ROCK2: variants seen among roughly 807,000 people sequenced by gnomAD.
ROCK2 encodes the protein Rho associated coiled-coil containing protein kinase 2, also known as rho-associated protein kinase 2.
Under a neutral mutation model 195.1 loss-of-function variants are expected in ROCK2, and 61 were observed. That is an observed-to-expected ratio of 0.31 (90% CI 0.25 to 0.39). ROCK2 has a LOEUF of 0.39. ROCK2 is among the 10% of genes least tolerant of loss of function. The probability of loss-of-function intolerance (pLI) is 1.00; values close to 1 mark genes in which losing one functional copy is unlikely to be tolerated. For missense variants in ROCK2, 1,109 were observed against 1,637.4 expected (o/e 0.68, Z 5.57); for synonymous variants, 504 against 545.5 (o/e 0.92, Z 1.06).
intron 3 of ROCK2, among the ~76,000 whole-genome samples, chr2:11,267,894 G>A (rs961545081): frequency 2.0e-5 from 3 of 151,770 alleles, no homozygotes; most frequent in Admixed American, 6.6e-5. Context: ...AGATCTGCCC[G>A]CCTCAGCCTC....
chr2:11,232,562 T>C (rs1673592711), intron 5 of ROCK2, among the ~76,000 whole-genome samples: 1 of 152,262 alleles, frequency 6.6e-6, no homozygotes, highest in South Asian at 2.1e-4. Context: ...TCCAATGTAC[T>C]ATAGTTTTTA....
In ROCK2 at chr2:11,192,349, A is replaced by G. The variant is rs764703058; in HGVS notation, c.3962T>C (p.Ile1321Thr). ...TAATAACAGATTCTTTGCCGTTGAAATATCATAATATACTATAAAGAAAAA... is the reference window on the plus strand; with the variant it reads ...TAATAACAGATTCTTTGCCGTTGAAGTATCATAATATACTATAAAGAAAAA... Reference protein sequence around the residue: ...IIAPCKVYYDISTAKNLLLLA... With the variant: ...IIAPCKVYYDTSTAKNLLLLA... Residue 1321 changes from isoleucine (I) to threonine (T), a missense_variant, in exon 32 of 33, where the codon ATT becomes ACT. Ile to Thr is a moderately conservative substitution (Grantham distance 89). Transcript: ENST00000315872. This position sits in a 1 kb window ranked among gnomAD's most constrained non-coding sequence, Gnocchi z 5.0. 6.2e-7 allele frequency: 1 copy of G among 1,610,302 alleles called. No homozygotes were observed. The highest frequency in any genetic ancestry group is 8.5e-7 in the Non-Finnish European group (1 of 1,177,740).
chr2:11,216,550 G>T (rs1244143890), intron 12 of ROCK2, among the ~76,000 whole-genome samples: 2 of 141,696 alleles, frequency 1.4e-5, no homozygotes, highest in South Asian at 4.5e-4. Flanking sequence ...TCGCTCTGTC[G>T]CCCAGGCTGG....
At chr2:11,275,060 C>T (rs1414167447) in intron 3 of ROCK2, among the ~76,000 whole-genome samples, 4 of 152,122 alleles carry the variant, frequency 2.6e-5, no homozygotes, top group Non-Finnish European at 5.9e-5. Flanking sequence ...AGGTCGAGAC[C>T]AGCCTGGCCA....
rs983063722 is a variant in ROCK2 at position 11,179,843 on chromosome 2, G to A, written c.*3594C>T. On this transcript the variant is annotated 3_prime_UTR_variant, in exon 33 of 33. Coordinates refer to ENST00000315872, the MANE Select transcript of ROCK2 (RefSeq NM_004850.5). ...AATACAATTACATTACTACGAAGAT[G>A]CAACAAAATTTTAAAAAAGAAAAAG... 6.6e-6 allele frequency: 1 copy of A among 151,992 alleles called. No individual in the cohort carries two copies. The highest frequency in any genetic ancestry group is 6.6e-5 in the Admixed American group (1 of 15,252). 9.4% of individuals were successfully genotyped at this position (151,992 alleles called of 1,614,324 possible). A position where few individuals can be genotyped will look rare whatever the true frequency, so the allele number is the denominator to read the frequency against.
At chr2:11,287,029 A>C (rs967763725) in intron 2 of ROCK2, among the ~76,000 whole-genome samples, 18 of 152,316 alleles carry the variant, frequency 1.2e-4, no homozygotes, top group African/African-American at 4.3e-4. Context: ...TTGATGGCCT[A>C]CTTCTCTGAA....
chr2:11,192,294 C>T lies in ROCK2; in HGVS notation c.4017G>A (p.Lys1339=). Reference sequence around the variant, plus strand: ...TCTTTTTCACCAACCGACTAACCCACTTCTGCTGCTCTTCTGTAGAATTTG... The same window carrying T: ...TCTTTTTCACCAACCGACTAACCCATTTCTGCTGCTCTTCTGTAGAATTTG... ...LLANSTEEQQ[K]WVSRLVKKIP... is the part of the protein sequence containing the mutation. Residue 1339 remains lysine, a synonymous_variant, in exon 32 of 33, where the codon AAG becomes AAA. Transcript: ENST00000315872. The surrounding 1 kb of genome is among the most constrained non-coding windows in gnomAD (Gnocchi z 5.0). The T allele has an allele frequency of 1.2e-6, 2 of 1,613,992 alleles. No homozygotes were observed. Among genetic ancestry groups the T allele is most frequent in the East Asian group, 2.2e-5 (1 of 44,872 alleles).
At chr2:11,286,675 TC>T in intron 2 of ROCK2, 36 bp from the exon 3 acceptor site, 1 of 1,099,636 alleles carries the variant, frequency 9.1e-7, no homozygotes, top group Non-Finnish European at 1.3e-6. Flanking sequence ...ATAATATCAA[TC>T]ATATTTATAT....
intron 1 of ROCK2, among the ~76,000 whole-genome samples, chr2:11,289,073 AAGAGT>A: frequency 6.6e-6 from 1 of 152,356 alleles, no homozygotes; most frequent in South Asian, 2.1e-4. Flanking sequence ...CAAAGGTGTT[AAGAGT>A]AAACTATTAA....
At chr2:11,342,003 C>T (rs924533701) in intron 1 of ROCK2, among the ~76,000 whole-genome samples, 5 of 151,980 alleles carry the variant, frequency 3.3e-5, no homozygotes, top group Non-Finnish European at 1.5e-5. Context: ...ATTCTGTATA[C>T]GCTACCACAA....
intron 1 of ROCK2, chr2:11,308,459 T>C: frequency 6.2e-7 from 1 of 1,606,302 alleles, no homozygotes; most frequent in Non-Finnish European, 8.5e-7. Flanking sequence ...GTCTCCTGAT[T>C]CTTTTCCTGC....
intron 1 of ROCK2, among the ~76,000 whole-genome samples, chr2:11,288,630 G>C (rs533728738): frequency 1.3e-5 from 2 of 152,058 alleles, no homozygotes; most frequent in Non-Finnish European, 2.9e-5. Context: ...TCAATGATCA[G>C]ACTGACACCC....
chr2:11,286,457 T>C (rs986445604), intron 3 of ROCK2, 82 bp downstream of exon 3: 13 of 847,074 alleles, frequency 1.5e-5, no homozygotes, highest in Non-Finnish European at 2.5e-5. Context: ...GGCATAGAAA[T>C]TAGATCTACT....
intron 27 of ROCK2, among the ~76,000 whole-genome samples, chr2:11,195,578 A>C (rs570142467): frequency 6.6e-6 from 1 of 152,234 alleles, no homozygotes; most frequent in East Asian, 1.9e-4. Flanking sequence ...GTAGTGGCGT[A>C]ATCTTGGCTC....
intron 1 of ROCK2, among the ~76,000 whole-genome samples, chr2:11,325,637 T>C (rs1668526816): frequency 6.6e-6 from 1 of 152,192 alleles, no homozygotes; most frequent in Non-Finnish European, 1.5e-5. Flanking sequence ...CAAACAATTT[T>C]GTGGGAAATA....
chr2:11,244,611 G>A (rs1430332486), intron 4 of ROCK2, among the ~76,000 whole-genome samples: 3 of 151,578 alleles, frequency 2.0e-5, no homozygotes, highest in Non-Finnish European at 2.9e-5. Flanking sequence ...TACCAAAGAT[G>A]AGCCAGGGCA....
intron 1 of ROCK2, among the ~76,000 whole-genome samples, chr2:11,315,947 T>C (rs1668176545): frequency 6.6e-6 from 1 of 152,158 alleles, no homozygotes; most frequent in African/African-American, 2.4e-5. Context: ...ATGTAGCTAC[T>C]AAGCACTTGA....
At position 11,249,735 on chromosome 2, in the gene ROCK2, T is replaced by C; in HGVS notation, c.388A>G (p.Lys130Glu). 1 of 1,593,328 alleles carries C rather than the reference T, an allele frequency of 6.3e-7. No individual in the cohort carries two copies. Among genetic ancestry groups the C allele is most frequent in the Non-Finnish European group, 8.5e-7 (1 of 1,171,762 alleles). ...CAAAAAAAGGCAGAATCTGATCTTT[T>C]TATCATTTCAAACTTACTAAGAAGC... is the stretch of plus-strand genomic sequence containing the variant. ...MKLLSKFEMIKRSDSAFFWEE... is the reference protein window; with the variant it reads ...MKLLSKFEMIERSDSAFFWEE... The change falls in exon 4 of 33, where the codon AAA becomes GAA. Residue 130 changes from lysine (K) to glutamate (E), a missense_variant. This residue lies in a region of ROCK2 where 253 missense variants were observed against 455.5 expected (regional missense o/e 0.56). Coordinates refer to ENST00000315872, the MANE Select transcript of ROCK2 (RefSeq NM_004850.5).
intron 3 of ROCK2, among the ~76,000 whole-genome samples, chr2:11,275,979 C>T (rs1286254434): frequency 6.6e-6 from 1 of 152,084 alleles, no homozygotes; most frequent in African/African-American, 2.4e-5. Flanking sequence ...GGATTATAGG[C>T]GTGAGCCACC....
Sources: allele counts gnomAD v4.1 joint callset (sites outside exome capture counted in the v4.1 genomes callset), GRCh38; gene constraint gnomAD v4.1.1; regional missense constraint gnomAD v4.1.1; non-coding constraint Gnocchi (gnomAD v3.1); transcripts MANE v1.5; gene names NCBI Gene and HGNC (gene_info 2026-07-23, HGNC 2026-07-21).